The following PIMREG variants were observed in gnomAD, a reference collection of about 807,000 sequenced individuals.
PIMREG encodes the protein protein PIMREG.
Under a neutral mutation model 24.3 loss-of-function variants are expected in PIMREG, and 19 were observed. The observed-to-expected ratio is 0.78, with a 90% confidence interval of 0.54 to 1.15. The LOEUF (loss-of-function observed/expected upper bound fraction) is 1.15. Among genes scored for constraint, PIMREG ranks in the 50% most tolerant of loss-of-function variants. PIMREG has a pLI of 0.00. For missense variants in PIMREG, 283 were observed against 306.8 expected (o/e 0.92, Z 0.58); for synonymous variants, 112 against 124.1 (o/e 0.90, Z 0.65).
Position 6,449,375 on chromosome 17 carries a change from A to G in PIMREG, c.654A>G (p.Gln218=). Residue 218 remains glutamine (Q), a synonymous_variant, in exon 4 of 6, where the codon CAA becomes CAG. Coordinates refer to ENST00000572447, the MANE Select transcript of PIMREG (RefSeq NM_019013.3). ...TTCAGCATCTCCAGAAGCTGTCCCA[A>G]GAGCTAGATGAAGCCATTATGGCGG... ...AGIQHLQKLS[Q]ELDEAIMAEE... is the part of the protein sequence containing the mutation. The G allele has an allele frequency of 6.2e-7, 1 of 1,613,824 alleles. No individual in the cohort carries two copies. Among genetic ancestry groups the G allele is most frequent in the Non-Finnish European group, 8.5e-7 (1 of 1,179,846 alleles).
In PIMREG at chr17:6,450,909, C is replaced by T. The variant is rs1360720317; in HGVS notation, c.*562C>T. 1.3e-5 allele frequency: 2 copies of T among 157,044 alleles called. No individual in the cohort carries two copies. The highest frequency in any genetic ancestry group is 4.8e-5 in the African/African-American group (2 of 41,660). 9.7% of individuals were successfully genotyped at this position (157,044 alleles called of 1,614,324 possible). A position where few individuals can be genotyped will look rare whatever the true frequency, so the allele number is the denominator to read the frequency against. Reference sequence around the variant, plus strand: ...CTATTTATATGCTCAGTGCAGAGCACTGTGGATGTGCCAGGAGGGGTAGCC... The same window carrying T: ...CTATTTATATGCTCAGTGCAGAGCATTGTGGATGTGCCAGGAGGGGTAGCC... On this transcript the variant is annotated 3_prime_UTR_variant, in exon 6 of 6. Transcript: ENST00000572447.
chr17:6,450,338 G>GA, intron 5 of PIMREG, 24 bp from the exon 6 acceptor site: 3 of 1,544,490 alleles, frequency 1.9e-6, no homozygotes, highest in Middle Eastern at 1.7e-4. Flanking sequence ...TGAGCACAGT[G>GA]AAAAAGGCAG....
intron 2 of PIMREG, 186 bp from the exon 3 acceptor site, chr17:6,447,277 A>G: frequency 1.6e-6 from 1 of 620,234 alleles, no homozygotes. Flanking sequence ...GCGCCTGGCT[A>G]ATTTTTTTTT....
chr17:6,447,109 T>G (rs1018408289), intron 2 of PIMREG, among the ~76,000 whole-genome samples: 2 of 66,136 alleles, frequency 3.0e-5, no homozygotes, highest in Non-Finnish European at 7.9e-5. Flanking sequence ...TTTTTTTTTT[T>G]GTTGTTGTTT....
chr17:6,445,282 G>C lies in PIMREG; in HGVS notation c.172G>C (p.Ala58Pro). ...RQFQRRLPLR[A>P]VNLNLRAGPS... Reference sequence around the variant, plus strand: ...GTTCCAAAGGAGGCTGCCCCTGAGAGCCGTCAACCTCAACCTCCGCGCAGG... The same window carrying C: ...GTTCCAAAGGAGGCTGCCCCTGAGACCCGTCAACCTCAACCTCCGCGCAGG... Residue 58 changes from alanine to proline, a missense_variant, in exon 2 of 6, where the codon GCC (alanine) becomes CCC (proline). By Grantham distance (27) the Ala-to-Pro change is conservative. Coordinates refer to ENST00000572447, the MANE Select transcript of PIMREG (RefSeq NM_019013.3). The C allele has an allele frequency of 6.2e-7, 1 of 1,614,048 alleles. No homozygotes were observed. Among genetic ancestry groups the C allele is most frequent in the Non-Finnish European group, 8.5e-7 (1 of 1,179,992 alleles).
chr17:6,449,466 T>C, intron 4 of PIMREG, 59 bp downstream of exon 4: 1 of 1,492,840 alleles, frequency 6.7e-7, no homozygotes, highest in East Asian at 2.3e-5. Flanking sequence ...CCAGCCATCT[T>C]TGTAGGCAGG....
rs540506545 is a variant in PIMREG, at chr17:6,446,939, T to C, written c.295-524T>C. 1.2e-4 allele frequency among the ~76,000 whole-genome samples: 18 copies of C among 152,302 alleles called. No individual in the cohort carries two copies. In the South Asian group the frequency reaches 1.4e-3, roughly 12 times the overall value. Reference sequence around the variant, plus strand: ...CTCCTGCGGCTGACTGCTGCTGTCATATCCAAGAGCTCTGAGCTGGGTCCC... The same window carrying C: ...CTCCTGCGGCTGACTGCTGCTGTCACATCCAAGAGCTCTGAGCTGGGTCCC... On this transcript the variant is annotated intron_variant, in intron 2 of 5. Transcript: ENST00000572447.
intron 2 of PIMREG, among the ~76,000 whole-genome samples, chr17:6,446,972 G>T (rs902551287): frequency 6.6e-5 from 10 of 152,172 alleles, no homozygotes; most frequent in African/African-American, 9.7e-5. Context: ...CCCAGCCGTG[G>T]ACTCATTCCA....
At position 6,450,229 on chromosome 17, in the gene PIMREG, T is replaced by G. The variant is rs878894788; in HGVS notation, c.*15-133T>G. On this transcript the variant is annotated intron_variant, in intron 5 of 5. Transcript: ENST00000572447. ...AGAGCTGCTAACCTCACTGACCCCGTCATTAACAGCACGCTGGGGGCCCCA... is the reference window on the plus strand; with the variant it reads ...AGAGCTGCTAACCTCACTGACCCCGGCATTAACAGCACGCTGGGGGCCCCA... 7.2e-6 allele frequency: 8 copies of G among 1,107,634 alleles called. No homozygotes were observed. The South Asian group carries it at 1.1e-4, about 16-fold the overall frequency. 68.6% of individuals were successfully genotyped at this position (1,107,634 alleles called of 1,614,324 possible). A position where few individuals can be genotyped will look rare whatever the true frequency, so the allele number is the denominator to read the frequency against.
Position 6,444,946 on chromosome 17 carries a change from C to G in PIMREG, c.-35-130C>G, listed in dbSNP as rs1024319386. 7 of 625,512 alleles carry G rather than the reference C, an allele frequency of 1.1e-5. No homozygotes were observed. In the African/African-American group the frequency reaches 1.3e-4, roughly 12 times the overall value. The allele number at this position is 625,512 out of a possible 1,614,324, so 38.7% of individuals were successfully genotyped here. On this transcript the variant is annotated intron_variant, in intron 1 of 5. Coordinates refer to ENST00000572447, the MANE Select transcript of PIMREG (RefSeq NM_019013.3). The surrounding 1 kb of genome is among the most constrained non-coding windows in gnomAD (Gnocchi z 4.3). ...GGAAGCATCCTCCTTCCTGCACCCACACTTACCAACTCGCCCGCCCCCGCC... is the reference window on the plus strand; with the variant it reads ...GGAAGCATCCTCCTTCCTGCACCCAGACTTACCAACTCGCCCGCCCCCGCC...
intron 2 of PIMREG, among the ~76,000 whole-genome samples, chr17:6,445,896 AC>A (rs1913551940): frequency 6.6e-6 from 1 of 152,226 alleles, no homozygotes; most frequent in Non-Finnish European, 1.5e-5. Flanking sequence ...TGAACAGATG[AC>A]AGAGAGCAAG....
rs1913514587 is a variant in PIMREG, at chr17:6,444,987, G to A, written c.-35-89G>A. On this transcript the variant is annotated intron_variant, in intron 1 of 5. Coordinates refer to ENST00000572447, the MANE Select transcript of PIMREG (RefSeq NM_019013.3). This position sits in a 1 kb window ranked among gnomAD's most constrained non-coding sequence, Gnocchi z 4.3. ...CGCCCCCGCCACCCCGCTGCATCCC[G>A]TCTCTTCCCCTGTGTCCAGGGTCTC... is the stretch of plus-strand genomic sequence containing the variant. 2 of 1,087,552 alleles carry A rather than the reference G, an allele frequency of 1.8e-6. No individual in the cohort carries two copies. Among genetic ancestry groups the A allele is most frequent in the Non-Finnish European group, 2.5e-6 (2 of 801,568 alleles). The allele number at this position is 1,087,552 out of a possible 1,614,324, so 67.4% of individuals were successfully genotyped here. A position where few individuals can be genotyped will look rare whatever the true frequency, so the allele number is the denominator to read the frequency against.
intron 2 of PIMREG, among the ~76,000 whole-genome samples, chr17:6,447,129 C>T (rs1273411122): frequency 7.9e-5 from 12 of 151,026 alleles, no homozygotes; most frequent in South Asian, 4.2e-4. Flanking sequence ...TGTTTGTTTT[C>T]GAGACAGGGT....
At chr17:6,446,797 G>C (rs1271664780) in intron 2 of PIMREG, among the ~76,000 whole-genome samples, 1 of 152,164 alleles carries the variant, frequency 6.6e-6, no homozygotes, top group African/African-American at 2.4e-5. Context: ...GGTGTACAGG[G>C]GGTGCTGGGC....
chr17:6,450,515 A>G lies in PIMREG; in HGVS notation c.*168A>G. On this transcript the variant is annotated 3_prime_UTR_variant, in exon 6 of 6. Transcript: ENST00000572447. The stretch of plus-strand genomic sequence containing the variant: ...GGGCCCAGAGCCCCCTGCTCCAGCC[A>G]CATCTGGACCCATCAGTGACTGCCT... The G allele has an allele frequency of 1.1e-6, 1 of 950,898 alleles. No individual in the cohort carries two copies. The highest frequency in any genetic ancestry group is 1.5e-6 in the Non-Finnish European group (1 of 648,388). 58.9% of individuals were successfully genotyped at this position (950,898 alleles called of 1,614,324 possible).
chr17:6,450,249 G>A, intron 5 of PIMREG, 113 bp from the exon 6 acceptor site: 5 of 1,187,932 alleles, frequency 4.2e-6, no homozygotes, highest in South Asian at 2.8e-5. Flanking sequence ...CACGCTGGGG[G>A]CCCCAAGTAG....
chr17:6,446,217 C>T, intron 2 of PIMREG: 1 of 401,104 alleles, frequency 2.5e-6, no homozygotes, highest in Non-Finnish European at 4.4e-6. Flanking sequence ...TCAAGGGATG[C>T]ATCTTTAAAC....
Position 6,445,377 on chromosome 17 carries a change from T to C in PIMREG, c.267T>C (p.Ala89=), listed in dbSNP as rs1913533797. 6.2e-7 allele frequency: 1 copy of C among 1,613,082 alleles called. No individual in the cohort carries two copies. The change falls in exon 2 of 6, where the codon GCT becomes GCC. Residue 89 remains alanine, a synonymous_variant. Coordinates refer to ENST00000572447, the MANE Select transcript of PIMREG (RefSeq NM_019013.3). ...GCCTCCAGGCTGCAGCTCGCTCAGC[T>C]AAGAGTGCTTTGGGTGCCGTGTCCC... ...QQGLQAAARS[A]KSALGAVSQR... is the part of the protein sequence containing the mutation.
In PIMREG at chr17:6,451,291, GACA is replaced by G. The variant is rs1913820813; in HGVS notation, c.*948_*950del. On this transcript the variant is annotated 3_prime_UTR_variant, in exon 6 of 6. Transcript: ENST00000572447. ...AGGCAAAGAAGGTTTTTATTTAAGT[GACA>G]ACATTTGAGAGCTAAAAACCAGCTC... is the stretch of plus-strand genomic sequence containing the variant. 6.6e-6 allele frequency: 1 copy of G among 152,192 alleles called. No individual in the cohort carries two copies. 9.4% of individuals were successfully genotyped at this position (152,192 alleles called of 1,614,324 possible).
Sources: gnomAD v4.1 joint callset for allele counts (sites outside exome capture counted in the v4.1 genomes callset) on GRCh38, gnomAD v4.1.1 for gene constraint, Gnocchi (gnomAD v3.1) non-coding constraint, MANE v1.5 for transcripts, NCBI Gene and HGNC (gene_info 2026-07-23, HGNC 2026-07-21) for gene names.